Variants in DNER observed in about 807,000 individuals in gnomAD.
The protein encoded by DNER is delta and Notch-like epidermal growth factor-related receptor.
In DNER, 33 loss-of-function variants were observed where a neutral mutation model predicts 78.2. The ratio of observed to expected loss-of-function variants is 0.42; its 90% CI spans 0.32 to 0.56. The LOEUF is 0.56. Ranked by LOEUF, DNER falls within the 20% of genes least tolerant of loss-of-function variation. The pLI, the probability that DNER is intolerant of heterozygous loss-of-function variation, is 0.11. For synonymous variants in DNER, 417 were observed against 384.8 expected (o/e 1.08, Z -0.98); for missense variants, 918 against 975.3 (o/e 0.94, Z 0.78).
intron 11 of DNER, among the ~76,000 whole-genome samples, chr2:229,380,651 G>A (rs2106332223): frequency 6.6e-6 from 1 of 150,934 alleles, no homozygotes; most frequent in South Asian, 2.1e-4. Context: ...TTGCAGTCAG[G>A]CACGGTGACT....
At position 229,367,125 on chromosome 2, in the gene DNER, G is replaced by C. The variant is rs1692368771; in HGVS notation, c.1856-6C>G. 1 of 1,613,928 alleles carries C rather than the reference G, an allele frequency of 6.2e-7. No homozygotes were observed. The highest frequency in any genetic ancestry group is 8.5e-7 in the Non-Finnish European group (1 of 1,179,932). ...CCCGGACTTCCATTGGAGGTCTGCAGGCAAAAATAAGCAAATGGCTGGGTA... is the reference window on the plus strand; with the variant it reads ...CCCGGACTTCCATTGGAGGTCTGCACGCAAAAATAAGCAAATGGCTGGGTA... On this transcript the variant is annotated splice_polypyrimidine_tract_variant and splice_region_variant and intron_variant, in intron 11 of 12. Coordinates refer to ENST00000341772, the MANE Select transcript of DNER (RefSeq NM_139072.4).
At chr2:229,405,233 A>G (rs1245984007) in intron 10 of DNER, among the ~76,000 whole-genome samples, 3 of 152,220 alleles carry the variant, frequency 2.0e-5, no homozygotes, top group Non-Finnish European at 4.4e-5. Flanking sequence ...ATTTTTGACC[A>G]CTAGAATGAC....
At position 229,714,299 on chromosome 2, in the gene DNER, A is replaced by G; in HGVS notation, c.125T>C (p.Leu42Pro). 7.6e-7 allele frequency: 1 copy of G among 1,315,368 alleles called. No individual in the cohort carries two copies. The highest frequency in any genetic ancestry group is 9.6e-7 in the Non-Finnish European group (1 of 1,036,422). 81.5% of individuals were successfully genotyped at this position (1,315,368 alleles called of 1,614,324 possible). Reference protein sequence around the residue: ...SLANPVPAAPLSAPGPCAAQP... With the variant: ...SLANPVPAAPPSAPGPCAAQP... ...CGCGGCGCACGGCCCGGGCGCAGAC[A>G]GGGGCGCGGCGGGCACCGGGTTGGC... is the stretch of plus-strand genomic sequence containing the variant. The change falls in exon 1 of 13, where the codon CTG (leucine) becomes CCG (proline). Residue 42 changes from leucine (L) to proline (P), a missense_variant. Coordinates refer to ENST00000341772, the MANE Select transcript of DNER (RefSeq NM_139072.4).
chr2:229,459,782 G>A (rs907869856), intron 7 of DNER, among the ~76,000 whole-genome samples: 5 of 151,948 alleles, frequency 3.3e-5, no homozygotes, highest in African/African-American at 1.2e-4. Context: ...ATGGTGGTGT[G>A]TGCCTGTAAT....
chr2:229,575,609 C>T (rs781667724), intron 4 of DNER, among the ~76,000 whole-genome samples: 1 of 152,150 alleles, frequency 6.6e-6, no homozygotes, highest in Non-Finnish European at 1.5e-5. Context: ...GGAAGAGAAA[C>T]ATCTCATCCA....
intron 1 of DNER, among the ~76,000 whole-genome samples, chr2:229,658,862 A>G (rs1698957550): frequency 6.6e-6 from 1 of 152,220 alleles, no homozygotes; most frequent in African/African-American, 2.4e-5. Context: ...GAAATTGTAC[A>G]ACACTCATCA....
At chr2:229,494,645 C>A (rs1449502451) in intron 6 of DNER, among the ~76,000 whole-genome samples, 1 of 152,182 alleles carries the variant, frequency 6.6e-6, no homozygotes, top group Non-Finnish European at 1.5e-5. Context: ...GGCTGTCATA[C>A]CCTTAGAAAC....
At chr2:229,490,446 G>T (rs1695375370) in intron 6 of DNER, among the ~76,000 whole-genome samples, 1 of 152,154 alleles carries the variant, frequency 6.6e-6, no homozygotes, top group Admixed American at 6.5e-5. Flanking sequence ...AATGAACCTT[G>T]AAAACCTGCT....
In DNER at chr2:229,714,215, G is replaced by A; in HGVS notation, c.209C>T (p.Pro70Leu). 2 of 1,390,890 alleles carry A rather than the reference G, an allele frequency of 1.4e-6. No individual in the cohort carries two copies. Among genetic ancestry groups the A allele is most frequent in the Admixed American group, 3.1e-5 (1 of 31,926 alleles). 86.2% of individuals were successfully genotyped at this position (1,390,890 alleles called of 1,614,324 possible). A position where few individuals can be genotyped will look rare whatever the true frequency, so the allele number is the denominator to read the frequency against. ...TSRPEPDPQH[P>L]APAGEPGYSC... ...GTAGCCAGGCTCGCCGGCGGGGGCC[G>A]GGTGCTGCGGGTCCGGCTCAGGGCG... The change falls in exon 1 of 13, where the codon CCG (proline) becomes CTG (leucine). Residue 70 changes from proline (P) to leucine (L), a missense_variant. Pro to Leu is a moderately conservative substitution (Grantham distance 98, BLOSUM62 -3). Transcript: ENST00000341772.
chr2:229,527,093 G>A (rs541620725), intron 5 of DNER, among the ~76,000 whole-genome samples: 58 of 152,228 alleles, frequency 3.8e-4, no homozygotes, highest in African/African-American at 1.1e-3. Context: ...TGTCCTCTCC[G>A]AAAGCTGCAT....
chr2:229,529,569 G>T (rs946056169), intron 5 of DNER, among the ~76,000 whole-genome samples: 1 of 152,070 alleles, frequency 6.6e-6, no homozygotes, highest in Non-Finnish European at 1.5e-5. Context: ...TTTGGCTAAC[G>T]TGTATGATTT....
At chr2:229,375,894 G>C (rs1692586544) in intron 11 of DNER, among the ~76,000 whole-genome samples, 2 of 152,112 alleles carry the variant, frequency 1.3e-5, no homozygotes, top group African/African-American at 4.8e-5. Context: ...CATGTCAAGG[G>C]AGAGACAGGT....
intron 6 of DNER, among the ~76,000 whole-genome samples, chr2:229,504,176 T>A (rs1361641309): frequency 6.6e-6 from 1 of 152,186 alleles, no homozygotes; most frequent in Non-Finnish European, 1.5e-5. Context: ...GCCCTGTGTA[T>A]CTCTTCATCT....
chr2:229,558,895 C>A (rs529916679), intron 4 of DNER, among the ~76,000 whole-genome samples: 54 of 152,140 alleles, frequency 3.5e-4, no homozygotes, highest in African/African-American at 1.3e-3. Context: ...AGATCACAAC[C>A]GGTCTCATGA....
At chr2:229,537,306 G>A (rs1696425936) in intron 5 of DNER, among the ~76,000 whole-genome samples, 1 of 152,122 alleles carries the variant, frequency 6.6e-6, no homozygotes, top group African/African-American at 2.4e-5. Flanking sequence ...TTTGCATAAG[G>A]ACACTGAATG....
chr2:229,465,450 A>G (rs1694783348), intron 7 of DNER, among the ~76,000 whole-genome samples: 1 of 152,156 alleles, frequency 6.6e-6, no homozygotes, highest in Admixed American at 6.5e-5. Context: ...GGAAAGCATC[A>G]GGATAAACAG....
intron 1 of DNER, among the ~76,000 whole-genome samples, 174 bp from the exon 2 acceptor site, chr2:229,592,062 G>A (rs1027618698): frequency 3.3e-5 from 5 of 152,220 alleles, no homozygotes; most frequent in East Asian, 1.9e-4. Flanking sequence ...AAGGTCATCC[G>A]AACATTAACC....
intron 10 of DNER, among the ~76,000 whole-genome samples, chr2:229,391,787 C>T (rs913853971): frequency 1.3e-5 from 2 of 152,118 alleles, no homozygotes; most frequent in Non-Finnish European, 2.9e-5. Context: ...AGGTGATCTG[C>T]CCACCTCACC....
At chr2:229,529,915 G>A (rs183908424) in intron 5 of DNER, among the ~76,000 whole-genome samples, 5 of 152,078 alleles carry the variant, frequency 3.3e-5, no homozygotes, top group Admixed American at 1.3e-4. Flanking sequence ...AGACTGAGGC[G>A]GGAGGATTGG....
Sources: allele counts gnomAD v4.1 joint callset (sites outside exome capture counted in the v4.1 genomes callset), GRCh38; gene constraint gnomAD v4.1.1; transcripts MANE v1.5; gene names NCBI Gene and HGNC (gene_info 2026-07-23, HGNC 2026-07-21).